RALYL: variants seen among roughly 807,000 people sequenced by gnomAD.
RALYL encodes the protein RNA-binding Raly-like protein.
A neutral mutation model predicts 35.1 loss-of-function variants in RALYL; 29 were observed. The observed-to-expected ratio is 0.83, with a 90% confidence interval of 0.61 to 1.13. The LOEUF (loss-of-function observed/expected upper bound fraction) is 1.13. RALYL is among the 50% of genes most tolerant of loss of function. The probability of loss-of-function intolerance (pLI) is 0.00; values close to 1 mark genes in which losing one functional copy is unlikely to be tolerated. For missense variants in RALYL, 359 were observed against 360.4 expected, an observed-to-expected ratio of 1.00 and a Z score of 0.03; for synonymous variants, 120 against 127.6, an observed-to-expected ratio of 0.94 and a Z score of 0.40.
At chr8:84,869,939 T>C (rs565922307) in intron 6 of RALYL, among the ~76,000 whole-genome samples, 2 of 152,276 alleles carry the variant, frequency 1.3e-5, no homozygotes, top group African/African-American at 4.8e-5. Flanking sequence ...TGTATCAGAA[T>C]GTAATAACAT....
intron 1 of RALYL, among the ~76,000 whole-genome samples, chr8:84,468,770 T>C (rs1272796554): frequency 6.6e-6 from 1 of 151,916 alleles, no homozygotes; most frequent in Non-Finnish European, 1.5e-5. Flanking sequence ...CCCCATCACT[T>C]TCAGGTACAC....
intron 1 of RALYL, among the ~76,000 whole-genome samples, chr8:84,337,962 T>C (rs1848121142): frequency 6.6e-6 from 1 of 152,058 alleles, no homozygotes; most frequent in Non-Finnish European, 1.5e-5. Flanking sequence ...TAATATACAC[T>C]ATCCATTCAT....
At chr8:84,692,176 A>C (rs1162652018) in intron 2 of RALYL, among the ~76,000 whole-genome samples, 2 of 151,994 alleles carry the variant, frequency 1.3e-5, no homozygotes, top group Non-Finnish European at 2.9e-5. Flanking sequence ...ATGAAGAGTG[A>C]GAAAAAGATG....
At chr8:84,752,917 C>A (rs1810425538) in intron 2 of RALYL, among the ~76,000 whole-genome samples, 1 of 152,106 alleles carries the variant, frequency 6.6e-6, no homozygotes, top group Non-Finnish European at 1.5e-5. Context: ...TGTAAAGGGG[C>A]AATAAGTCCC....
In RALYL at chr8:84,453,008, C is replaced by T. The variant is rs181345310; in HGVS notation, c.-23-76291C>T. ...AGATGCAGTACAGTATTTCCTACTGCGTCTCATCAGAGCTTTTAAAGAATT... is the reference window on the plus strand; with the variant it reads ...AGATGCAGTACAGTATTTCCTACTGTGTCTCATCAGAGCTTTTAAAGAATT... On this transcript the variant is annotated intron_variant, in intron 1 of 8. Transcript: ENST00000521268. Among the ~76,000 whole-genome samples, 10 of 151,944 alleles carry T rather than the reference C, an allele frequency of 6.6e-5. No individual in the cohort carries two copies. In the East Asian group the frequency reaches 1.4e-3, roughly 21 times the overall value.
intron 1 of RALYL, among the ~76,000 whole-genome samples, chr8:84,497,274 G>T (rs2056136549): frequency 6.6e-6 from 1 of 152,148 alleles, no homozygotes. Flanking sequence ...TTTTATGAGG[G>T]TGAAATCAAT....
intron 1 of RALYL, among the ~76,000 whole-genome samples, chr8:84,394,085 C>T (rs1027689329): frequency 5.3e-5 from 8 of 151,948 alleles, no homozygotes; most frequent in African/African-American, 1.9e-4. Context: ...TCATTTTCTC[C>T]CTACTTGTGC....
intron 8 of RALYL, among the ~76,000 whole-genome samples, chr8:84,888,136 A>G (rs1586983152): frequency 6.6e-6 from 1 of 152,342 alleles, no homozygotes; most frequent in African/African-American, 2.4e-5. Flanking sequence ...ACTACAATAT[A>G]CTGGAAGATA....
chr8:84,526,942 A>G (rs2058945624), intron 1 of RALYL, among the ~76,000 whole-genome samples: 1 of 152,072 alleles, frequency 6.6e-6, no homozygotes, highest in Non-Finnish European at 1.5e-5. Flanking sequence ...TATTTCTTTG[A>G]GTCAGGAGGG....
chr8:84,520,113 G>T (rs79656153), intron 1 of RALYL, among the ~76,000 whole-genome samples: 2 of 152,098 alleles, frequency 1.3e-5, no homozygotes, highest in African/African-American at 4.8e-5. Context: ...TCTATTTCCC[G>T]CAGTAAAACA....
intron 2 of RALYL, among the ~76,000 whole-genome samples, chr8:84,695,140 T>C (rs1370830535): frequency 6.6e-6 from 1 of 151,758 alleles, no homozygotes; most frequent in Non-Finnish European, 1.5e-5. Flanking sequence ...TGAAGCCATA[T>C]TGATTAATCA....
intron 1 of RALYL, among the ~76,000 whole-genome samples, chr8:84,201,070 T>G (rs1369351625): frequency 6.6e-6 from 1 of 152,138 alleles, no homozygotes; most frequent in Admixed American, 6.6e-5. Flanking sequence ...AAAAATAAAG[T>G]TCAGGGTTAA....
At chr8:84,269,327 T>A (rs1463895679) in intron 1 of RALYL, among the ~76,000 whole-genome samples, 1 of 152,170 alleles carries the variant, frequency 6.6e-6, no homozygotes, top group African/African-American at 2.4e-5. Flanking sequence ...AGTAAGCAAT[T>A]GCATTATTCA....
At chr8:84,502,063 T>G (rs2056728286) in intron 1 of RALYL, among the ~76,000 whole-genome samples, 1 of 151,846 alleles carries the variant, frequency 6.6e-6, no homozygotes, top group South Asian at 2.1e-4. Context: ...CAAAATACCA[T>G]TTTTTGACAA....
chr8:84,350,194 A>G (rs1850628861), intron 1 of RALYL, among the ~76,000 whole-genome samples: 1 of 150,340 alleles, frequency 6.7e-6, no homozygotes, highest in Admixed American at 6.6e-5. Context: ...ACCAATATCC[A>G]CCACAGTTGG....
intron 1 of RALYL, among the ~76,000 whole-genome samples, chr8:84,245,264 T>C (rs532448973): frequency 5.3e-5 from 8 of 152,298 alleles, no homozygotes; most frequent in African/African-American, 1.7e-4. Flanking sequence ...CTGGAACAAT[T>C]GTCTCTGCTA....
chr8:84,908,490 T>C (rs1428915227), intron 8 of RALYL, among the ~76,000 whole-genome samples: 1 of 152,174 alleles, frequency 6.6e-6, no homozygotes, highest in East Asian at 1.9e-4. Context: ...TTTAACGTAA[T>C]GTCCTCCAGG....
chr8:84,725,122 C>T (rs1844697999), intron 2 of RALYL, among the ~76,000 whole-genome samples: 1 of 151,466 alleles, frequency 6.6e-6, no homozygotes, highest in Non-Finnish European at 1.5e-5. Flanking sequence ...CTGCCTAAAT[C>T]AATACTATTT....
At chr8:84,270,010 G>A (rs1180176910) in intron 1 of RALYL, among the ~76,000 whole-genome samples, 1 of 151,936 alleles carries the variant, frequency 6.6e-6, no homozygotes, top group Non-Finnish European at 1.5e-5. Flanking sequence ...AATTATAGTA[G>A]ACATCTCCTT....
Sources: allele counts gnomAD v4.1 joint callset (sites outside exome capture counted in the v4.1 genomes callset), GRCh38; gene constraint gnomAD v4.1.1; transcripts MANE v1.5; gene names NCBI Gene and HGNC (gene_info 2026-07-23, HGNC 2026-07-21).